Variants in TMEM200C observed in about 807,000 individuals in gnomAD.
TMEM200C encodes the protein transmembrane protein TTMA.
For missense variants in TMEM200C, 966 were observed against 699.9 expected (o/e 1.38, Z -4.29); for synonymous variants, 462 against 324.7 (o/e 1.42, Z -4.55).
At chr18:5,895,659 C>T (rs2095175568) in intron 1 of TMEM200C, among the ~76,000 whole-genome samples, 137 bp from the exon 1 acceptor site, 2 of 149,192 alleles carry the variant, frequency 1.3e-5, no homozygotes, top group Admixed American at 6.6e-5. Flanking sequence ...GCCCGCCGCC[C>T]GTCCCTTCGG....
exon 3 of TMEM200C, chr18:5,890,782 C>A: frequency 4.6e-6 from 3 of 648,166 alleles, no homozygotes; most frequent in South Asian, 3.2e-5. Flanking sequence ...CTGCCCTCTG[C>A]GCCGCGGAGG....
exon 3 of TMEM200C, chr18:5,890,192 C>T (rs779045526): frequency 2.0e-6 from 3 of 1,524,350 alleles, no homozygotes; most frequent in Non-Finnish European, 2.7e-6. Context: ...CAACCCACCC[C>T]TTTCTCTAAA....
Position 5,891,311 on chromosome 18 carries a change from G to T in TMEM200C, c.753C>A (p.Leu251=). ...CCAGGCCCCGCGACTGCACGTAGCT[G>T]AGGAAGCCGTTGAGCGGTATGGCCC... is the stretch of plus-strand genomic sequence containing the variant. Residue 251 remains leucine, a synonymous_variant, in exon 3 of 3, where the codon CTC becomes CTA. Coordinates refer to ENST00000581347, the Ensembl canonical transcript of TMEM200C. This position sits in a 1 kb window ranked among gnomAD's most constrained non-coding sequence, Gnocchi z 4.7. 7.1e-7 allele frequency: 1 copy of T among 1,410,524 alleles called. No individual in the cohort carries two copies. The allele number at this position is 1,410,524 out of a possible 1,614,324, so 87.4% of individuals were successfully genotyped here.
rs1567888291 is a variant in TMEM200C at position 5,891,987 on chromosome 18, TTGGGTATC to T, written c.69_76del (p.Ile24AlafsTer61). On this transcript the variant is annotated frameshift_variant, in exon 3 of 3. Transcript: ENST00000581347. LOFTEE classifies it low-confidence loss of function (END_TRUNC). The surrounding 1 kb of genome is among the most constrained non-coding windows in gnomAD (Gnocchi z 4.7). ...CCTCTTCTTGGCTTTCCGCTTGCGC[TTGGGTATC>T]TGGCTTGGGGGGCGGAGTGGATCCT... The T allele has an allele frequency of 6.2e-7, 1 of 1,613,944 alleles. No homozygotes were observed. The highest frequency in any genetic ancestry group is 1.7e-5 in the Admixed American group (1 of 60,028).
Position 5,891,950 on chromosome 18 carries a change from G to A in TMEM200C, c.114C>T (p.Asp38=). The change falls in exon 3 of 3, where the codon GAC becomes GAT. Residue 38 remains aspartate (D), a synonymous_variant. Transcript: ENST00000581347. This position sits in a 1 kb window ranked among gnomAD's most constrained non-coding sequence, Gnocchi z 4.7. Reference sequence around the variant, plus strand: ...TCAGCTTGCCTTTCACCACCACCACGTCGTTCTTGCGCCTCTTCTTGGCTT... The same window carrying A: ...TCAGCTTGCCTTTCACCACCACCACATCGTTCTTGCGCCTCTTCTTGGCTT... 6.2e-7 allele frequency: 1 copy of A among 1,613,964 alleles called. No homozygotes were observed.
At chr18:5,890,055 C>A in exon 3 of TMEM200C, 1 of 766,064 alleles carries the variant, frequency 1.3e-6, no homozygotes, top group Non-Finnish European at 1.9e-6. Context: ...GGACGCAATT[C>A]AAGGATAACA....
chr18:5,892,433 C>G (rs1567888506), intron 2 of TMEM200C, among the ~76,000 whole-genome samples: 1 of 152,088 alleles, frequency 6.6e-6, no homozygotes, highest in Non-Finnish European at 1.5e-5. Context: ...CTCCTCGCTC[C>G]CCACCCATCT....
At chr18:5,890,419 A>T (rs775270343) in exon 3 of TMEM200C, 2 of 1,570,304 alleles carry the variant, frequency 1.3e-6, no homozygotes, top group East Asian at 4.6e-5. Context: ...TCCAAGACCG[A>T]CTCGGTGGAG....
exon 3 of TMEM200C, chr18:5,890,778 T>A (rs146496912): frequency 0.07 from 45,365 of 643,582 alleles, 1,961 homozygotes; most frequent in South Asian, 0.11. Context: ...CATGCTGCCC[T>A]CTGCGCCGCG....
At chr18:5,890,985 T>C in exon 3 of TMEM200C, 1 of 655,462 alleles carries the variant, frequency 1.5e-6, no homozygotes, top group Non-Finnish European at 2.7e-6. Context: ...CCCCCAGCTC[T>C]CGGGTGGGCT....
exon 3 of TMEM200C, chr18:5,883,828 T>C (rs551271916): frequency 6.6e-6 from 1 of 152,204 alleles, no homozygotes; most frequent in East Asian, 1.9e-4. Flanking sequence ...CTCCTCTCAG[T>C]TTTATCTCCT....
chr18:5,887,664 G>T (rs1445629979), exon 3 of TMEM200C: 1 of 152,170 alleles, frequency 6.6e-6, no homozygotes, highest in African/African-American at 2.4e-5. Context: ...CAATAGAGTT[G>T]CTGTGAGGAT....
At chr18:5,888,955 GC>G (rs2095167495) in exon 3 of TMEM200C, 1 of 152,200 alleles carries the variant, frequency 6.6e-6, no homozygotes, top group African/African-American at 2.4e-5. Context: ...CTAGCGCTTT[GC>G]CCAAGGAGAC....
Position 5,891,213 on chromosome 18 carries a change from C to A in TMEM200C, c.851G>T (p.Trp284Leu). 2.5e-6 allele frequency: 3 copies of A among 1,181,054 alleles called. No individual in the cohort carries two copies. Among genetic ancestry groups the A allele is most frequent in the Non-Finnish European group, 3.3e-6 (3 of 913,124 alleles). 73.2% of individuals were successfully genotyped at this position (1,181,054 alleles called of 1,614,324 possible). The change falls in exon 3 of 3, where the codon TGG (tryptophan) becomes TTG (leucine). Residue 284 changes from tryptophan to leucine, a missense_variant. Transcript: ENST00000581347. The surrounding 1 kb of genome is among the most constrained non-coding windows in gnomAD (Gnocchi z 4.7). ...GCTCGGCGCCGCGGGGTGAGGAGGC[C>A]ACGAGCCCTTGGCCAGCATCGCCGC... is the stretch of plus-strand genomic sequence containing the variant.
chr18:5,884,123 A>G (rs1353028395), exon 3 of TMEM200C: 1 of 152,158 alleles, frequency 6.6e-6, no homozygotes, highest in Admixed American at 6.6e-5. Context: ...TCCTTCTGCT[A>G]CTTATAAAGG....
chr18:5,888,105 C>T (rs965427920), exon 3 of TMEM200C: 7 of 152,158 alleles, frequency 4.6e-5, no homozygotes, highest in African/African-American at 1.7e-4. Flanking sequence ...CCTGTTTTCC[C>T]CTTGAAGTAA....
At chr18:5,893,656 A>T (rs1047260353) in intron 2 of TMEM200C, among the ~76,000 whole-genome samples, 2 of 152,176 alleles carry the variant, frequency 1.3e-5, no homozygotes, top group African/African-American at 4.8e-5. Context: ...GGTAGGTAGA[A>T]TTTTGCTTTT....
In TMEM200C at chr18:5,885,818, T is replaced by A. The variant is rs193039128; in HGVS notation, c.*4380A>T. The A allele has an allele frequency of 5.9e-5, 9 of 152,306 alleles. No individual in the cohort carries two copies. In the East Asian group the frequency reaches 9.6e-4, roughly 16 times the overall value. 9.4% of individuals were successfully genotyped at this position (152,306 alleles called of 1,614,324 possible). A position where few individuals can be genotyped will look rare whatever the true frequency, so the allele number is the denominator to read the frequency against. ...AACTTCCCTGGGGTAGGGTGGGGTG[T>A]CTTAGATTGTTTTTCAGAGTTAGTC... On this transcript the variant is annotated 3_prime_UTR_variant, in exon 3 of 3. Coordinates refer to ENST00000581347, the Ensembl canonical transcript of TMEM200C.
At chr18:5,890,130 T>C (rs935527391) in exon 3 of TMEM200C, 4 of 1,432,994 alleles carry the variant, frequency 2.8e-6, no homozygotes, top group African/African-American at 1.4e-5. Context: ...CAGGGACCTG[T>C]TAATGCACTG....
Sources: allele counts gnomAD v4.1 joint callset (sites outside exome capture counted in the v4.1 genomes callset), GRCh38; gene constraint gnomAD v4.1.1; non-coding constraint Gnocchi (gnomAD v3.1); transcripts MANE v1.5; gene names NCBI Gene and HGNC (gene_info 2026-07-23, HGNC 2026-07-21).